Variants in KDM2B observed in about 807,000 individuals in gnomAD.
KDM2B encodes the protein lysine-specific demethylase 2B.
In KDM2B, 26 loss-of-function variants were observed where a neutral mutation model predicts 150.0. The observed-to-expected ratio is 0.17, with a 90% confidence interval of 0.13 to 0.24. The LOEUF (loss-of-function observed/expected upper bound fraction) is 0.24, where lower values mean the gene tolerates loss of function less well. KDM2B is among the 10% of genes least tolerant of loss of function. The pLI, the probability that KDM2B is intolerant of heterozygous loss-of-function variation, is 1.00. For synonymous variants in KDM2B, 734 were observed against 729.5 expected, an observed-to-expected ratio of 1.01 and a Z score of -0.10; for missense variants, 1,265 against 1,816.9, an observed-to-expected ratio of 0.70 and a Z score of 5.52.
chr12:121,480,167 G>T (rs1881936052), intron 12 of KDM2B, among the ~76,000 whole-genome samples: 1 of 152,064 alleles, frequency 6.6e-6, no homozygotes, highest in Admixed American at 6.6e-5. Flanking sequence ...GGCAAGGAGG[G>T]GGCCAAGGCA....
intron 11 of KDM2B, among the ~76,000 whole-genome samples, chr12:121,495,782 C>T (rs552146553): frequency 1.7e-4 from 26 of 152,126 alleles, no homozygotes; most frequent in African/African-American, 3.4e-4. Context: ...TGCTGTGTGA[C>T]GACGTGTAAA....
intron 12 of KDM2B, among the ~76,000 whole-genome samples, chr12:121,489,505 T>C (rs1883134929): frequency 6.6e-6 from 1 of 152,084 alleles, no homozygotes; most frequent in African/African-American, 2.4e-5. Context: ...AGTGATGCAA[T>C]CTCAGCTCAC....
At chr12:121,483,866 G>A (rs1882443539) in intron 12 of KDM2B, among the ~76,000 whole-genome samples, 1 of 152,048 alleles carries the variant, frequency 6.6e-6, no homozygotes, top group Non-Finnish European at 1.5e-5. Flanking sequence ...GGAGAGTTTA[G>A]CAGAGGTTTG....
At chr12:121,519,630 G>C (rs1238577154) in intron 9 of KDM2B, among the ~76,000 whole-genome samples, 2 of 152,118 alleles carry the variant, frequency 1.3e-5, no homozygotes, top group East Asian at 3.8e-4. Flanking sequence ...GGAAAGGTGG[G>C]GAGACACAGG....
intron 12 of KDM2B, among the ~76,000 whole-genome samples, chr12:121,459,409 TAAAATTATAAACCTCTTAG>T (rs1878777908): frequency 6.6e-6 from 1 of 152,156 alleles, no homozygotes; most frequent in Non-Finnish European, 1.5e-5. Flanking sequence ...AACACACAGC[TAAAATTATAAACCTCTTAG>T]AAGAAAACAC....
chr12:121,474,110 C>T (rs1220011267), intron 12 of KDM2B, among the ~76,000 whole-genome samples: 7 of 152,054 alleles, frequency 4.6e-5, no homozygotes, highest in African/African-American at 1.2e-4. Flanking sequence ...CTGATGGGTA[C>T]GGGGTTTCCT....
chr12:121,527,653 CAAAAAAAAAA>C (rs58304715), intron 8 of KDM2B, among the ~76,000 whole-genome samples: 3 of 58,574 alleles, frequency 5.1e-5, no homozygotes, highest in African/African-American at 2.5e-4. Context: ...GACTCCGTCT[CAAAAAAAAAA>C]AAAAAAAAAA....
At chr12:121,502,620 C>CA (rs200550839) in intron 11 of KDM2B, among the ~76,000 whole-genome samples, 88 of 147,472 alleles carry the variant, frequency 6.0e-4, no homozygotes, top group Non-Finnish European at 1.1e-3. Context: ...GACTCGGACT[C>CA]AAAAAAAAAG....
At chr12:121,455,167 C>T (rs541044773) in intron 12 of KDM2B, among the ~76,000 whole-genome samples, 1 of 152,176 alleles carries the variant, frequency 6.6e-6, no homozygotes, top group African/African-American at 2.4e-5. Context: ...TCAGGAAGCA[C>T]TGGAGCTCTG....
intron 4 of KDM2B, among the ~76,000 whole-genome samples, chr12:121,566,651 C>A (rs1890725764): frequency 6.6e-6 from 1 of 151,374 alleles, no homozygotes; most frequent in Non-Finnish European, 1.5e-5. Flanking sequence ...TAAAAATTAG[C>A]CGGGCATGGT....
At chr12:121,557,231 AT>A (rs142679491) in intron 4 of KDM2B, among the ~76,000 whole-genome samples, 1,359 of 103,680 alleles carry the variant, frequency 0.013, 16 homozygotes, top group African/African-American at 0.04. Context: ...AGACAAGAGA[AT>A]TTTTTTTTTT....
In KDM2B at chr12:121,442,586, T is replaced by TTGCTCAGCTCCC. The variant is rs1566264119; in HGVS notation, c.2843_2854dup (p.Arg948_Ser951dup). On this transcript the variant is annotated inframe_insertion, in exon 19 of 23. Transcript: ENST00000377071. This position sits in a 1 kb window ranked among gnomAD's most constrained non-coding sequence, Gnocchi z 7.7. ...CCTCTGGATCTCGTGGTTGAGCTCC[T>TTGCTCAGCTCCC]TGCTCAGCTCCCTGCTCAGCTCCTT... 5.0e-6 allele frequency: 8 copies of TTGCTCAGCTCCC among 1,601,602 alleles called. No homozygotes were observed. In the South Asian group the frequency reaches 6.6e-5, roughly 13 times the overall value.
intron 9 of KDM2B, chr12:121,516,867 GA>G (rs11433051): frequency 0.018 from 9,490 of 538,700 alleles, no homozygotes; most frequent in Middle Eastern, 0.024. Context: ...TTTTCTCCTG[GA>G]AAAAAAAAAA....
At position 121,453,059 on chromosome 12, in the gene KDM2B, C is replaced by G; in HGVS notation, c.1959+61G>C. 1 of 1,401,702 alleles carries G rather than the reference C, an allele frequency of 7.1e-7. No homozygotes were observed. The highest frequency in any genetic ancestry group is 2.5e-5 in the East Asian group (1 of 40,670). 86.8% of individuals were successfully genotyped at this position (1,401,702 alleles called of 1,614,324 possible). A position where few individuals can be genotyped will look rare whatever the true frequency, so the allele number is the denominator to read the frequency against. On this transcript the variant is annotated intron_variant, in intron 13 of 22. Coordinates refer to ENST00000377071, the MANE Select transcript of KDM2B (RefSeq NM_032590.5). This position sits in a 1 kb window ranked among gnomAD's most constrained non-coding sequence, Gnocchi z 6.4. Reference sequence around the variant, plus strand: ...GCGGCCAGAGCGAGCAGCGGTCAGACACGCGGGCCGGCACGCAGGGGCCTG... The same window carrying G: ...GCGGCCAGAGCGAGCAGCGGTCAGAGACGCGGGCCGGCACGCAGGGGCCTG...
the KDM2B span, among the ~76,000 whole-genome samples, chr12:121,412,476 C>A: frequency 1.3e-5 from 2 of 151,790 alleles, no homozygotes; most frequent in African/African-American, 4.8e-5. Flanking sequence ...ATCTCCTGAC[C>A]TCATGATCTG....
rs782410915 is a variant in KDM2B, at chr12:121,453,089, G to C, written c.1959+31C>G. ...GGGCCGGCACGCAGGGGCCTGAATCGAGCGCAGGGCTGGGCGGGGGCCGCA... is the reference window on the plus strand; with the variant it reads ...GGGCCGGCACGCAGGGGCCTGAATCCAGCGCAGGGCTGGGCGGGGGCCGCA... On this transcript the variant is annotated intron_variant, in intron 13 of 22. Coordinates refer to ENST00000377071, the MANE Select transcript of KDM2B (RefSeq NM_032590.5). This position sits in a 1 kb window ranked among gnomAD's most constrained non-coding sequence, Gnocchi z 6.4. 3.1e-5 allele frequency: 48 copies of C among 1,563,286 alleles called. No individual in the cohort carries two copies. Among genetic ancestry groups the C allele is most frequent in the Non-Finnish European group, 3.8e-5 (44 of 1,155,252 alleles).
chr12:121,548,754 G>A, intron 6 of KDM2B, 123 bp downstream of exon 6: 1 of 730,836 alleles, frequency 1.4e-6, no homozygotes, highest in East Asian at 2.5e-5. Context: ...CTTCAGTTCT[G>A]AACGGGAGCG....
At chr12:121,516,767 A>C in intron 9 of KDM2B, 1 of 660,456 alleles carries the variant, frequency 1.5e-6, no homozygotes, top group East Asian at 2.7e-5. Flanking sequence ...ATGACAACAA[A>C]AGGTTTCTCG....
At chr12:121,431,666 A>G (rs1566246139) in intron 22 of KDM2B, among the ~76,000 whole-genome samples, 1 of 152,140 alleles carries the variant, frequency 6.6e-6, no homozygotes, top group Non-Finnish European at 1.5e-5. Context: ...GACTTCCTTT[A>G]TACAGCTAGT....
Sources: gnomAD v4.1 joint callset for allele counts (sites outside exome capture counted in the v4.1 genomes callset) on GRCh38, gnomAD v4.1.1 for gene constraint, Gnocchi (gnomAD v3.1) non-coding constraint, MANE v1.5 for transcripts, NCBI Gene and HGNC (gene_info 2026-07-23, HGNC 2026-07-21) for gene names.